Variants in PPP1R12B observed in about 807,000 individuals in gnomAD.
The protein encoded by PPP1R12B is myosin phosphatase target subunit 2.
In PPP1R12B, 76 loss-of-function variants were observed where a neutral mutation model predicts 126.1. The ratio of observed to expected loss-of-function variants is 0.60; its 90% CI spans 0.50 to 0.73. The LOEUF (loss-of-function observed/expected upper bound fraction) is 0.73. PPP1R12B is among the 30% of genes least tolerant of loss of function. The pLI is 0.00. For synonymous variants in PPP1R12B, 356 were observed against 434.7 expected (o/e 0.82, Z 2.25); for missense variants, 1,052 against 1,205.1 (o/e 0.87, Z 1.88).
rs376860504 is a variant in PPP1R12B at position 202,588,897 on chromosome 1, C to G, written c.*8337C>G. The G allele has an allele frequency of 1.3e-5, 2 of 150,282 alleles. No homozygotes were observed. Among genetic ancestry groups the G allele is most frequent in the South Asian group, 2.1e-4 (1 of 4,762 alleles). 9.3% of individuals were successfully genotyped at this position (150,282 alleles called of 1,614,324 possible). Reference sequence around the variant, plus strand: ...TATCAAGGTTCCAAGCTTCAAGTAACCAAGAGTATATACGGTTATTTCTTG... The same window carrying G: ...TATCAAGGTTCCAAGCTTCAAGTAAGCAAGAGTATATACGGTTATTTCTTG... On this transcript the variant is annotated 3_prime_UTR_variant, in exon 24 of 24. Coordinates refer to ENST00000608999, the MANE Select transcript of PPP1R12B (RefSeq NM_002481.4).
intron 18 of PPP1R12B, among the ~76,000 whole-genome samples, chr1:202,538,160 AT>A (rs1316012702): frequency 6.6e-6 from 1 of 152,074 alleles, no homozygotes; most frequent in East Asian, 1.9e-4. Context: ...TGCCTGGCTA[AT>A]TTTTTGTATT....
At chr1:202,562,739 C>T in intron 19 of PPP1R12B, 39 bp from the exon 20 acceptor site, 1 of 1,598,042 alleles carries the variant, frequency 6.3e-7, no homozygotes, top group Non-Finnish European at 8.6e-7. Flanking sequence ...CTACTTTGTT[C>T]TCAAAACCAA....
intron 1 of PPP1R12B, among the ~76,000 whole-genome samples, chr1:202,373,740 G>C (rs1173384360): frequency 6.6e-6 from 1 of 150,808 alleles, no homozygotes; most frequent in Non-Finnish European, 1.5e-5. Context: ...TAGCTTCTTT[G>C]ATTAAGGAAT....
intron 1 of PPP1R12B, among the ~76,000 whole-genome samples, chr1:202,354,091 AT>A (rs1009743026): frequency 6.6e-5 from 10 of 152,106 alleles, no homozygotes; most frequent in Non-Finnish European, 1.2e-4. Context: ...TAAGTAGTTT[AT>A]TTTTTTCTTT....
chr1:202,432,968 T>C (rs1018670630), intron 8 of PPP1R12B, among the ~76,000 whole-genome samples: 1 of 152,208 alleles, frequency 6.6e-6, no homozygotes, highest in Non-Finnish European at 1.5e-5. Flanking sequence ...CCCTTCTTCA[T>C]GTCTCAGTCT....
chr1:202,359,455 C>T (rs1040004109), intron 1 of PPP1R12B, among the ~76,000 whole-genome samples: 10 of 151,244 alleles, frequency 6.6e-5, no homozygotes, highest in African/African-American at 2.4e-4. Flanking sequence ...GTAAATATTT[C>T]GATATATATC....
chr1:202,455,209 G>A (rs79088471), intron 13 of PPP1R12B, among the ~76,000 whole-genome samples: 1 of 65,920 alleles, frequency 1.5e-5, no homozygotes, highest in African/African-American at 3.2e-5. Context: ...TATATATAGA[G>A]AGAGAGAGAG....
intron 12 of PPP1R12B, 44 bp downstream of exon 12, chr1:202,442,616 C>G: frequency 1.3e-6 from 2 of 1,558,714 alleles, no homozygotes; most frequent in South Asian, 1.2e-5. Flanking sequence ...TTCACTCTAG[C>G]CATGGGAAAT....
Position 202,349,045 on chromosome 1 carries a change from C to T in PPP1R12B, c.194C>T (p.Ala65Val). Residue 65 changes from alanine to valine, a missense_variant, in exon 1 of 24, where the codon GCC (alanine) becomes GTC (valine). Coordinates refer to ENST00000608999, the MANE Select transcript of PPP1R12B (RefSeq NM_002481.4). ...GAGGACGGTGCTGTCTTTCTGGCCG[C>T]CTGCTCTAGCGGGGACACCGACGAG... ...RFEDGAVFLA[A>V]CSSGDTDEVR... is the part of the protein sequence containing the mutation. 1 of 1,613,780 alleles carries T rather than the reference C, an allele frequency of 6.2e-7. No homozygotes were observed. Among genetic ancestry groups the T allele is most frequent in the Non-Finnish European group, 8.5e-7 (1 of 1,179,904 alleles).
rs1351567569 is a variant in PPP1R12B, at chr1:202,383,331, T to C, written c.292-33456T>C. Among the ~76,000 whole-genome samples, 6 of 152,254 alleles carry C rather than the reference T, an allele frequency of 3.9e-5. No homozygotes were observed. The East Asian group carries it at 1.2e-3, about 29-fold the overall frequency. On this transcript the variant is annotated intron_variant, in intron 1 of 23. Coordinates refer to ENST00000608999, the MANE Select transcript of PPP1R12B (RefSeq NM_002481.4). ...ATATATCTTCATATTTTTTACTTCA[T>C]AGGAATGTATCCCTAAATATTTTAT...
At chr1:202,515,110 A>G (rs1382768672) in intron 18 of PPP1R12B, among the ~76,000 whole-genome samples, 1 of 152,174 alleles carries the variant, frequency 6.6e-6, no homozygotes, top group Non-Finnish European at 1.5e-5. Flanking sequence ...TATGAACACA[A>G]AGAAGGAAAC....
intron 12 of PPP1R12B, among the ~76,000 whole-genome samples, chr1:202,446,966 A>G (rs1455024997): frequency 6.6e-6 from 1 of 152,182 alleles, no homozygotes; most frequent in African/African-American, 2.4e-5. Context: ...ACTCTAGGGA[A>G]GAAGGAAGAG....
intron 18 of PPP1R12B, among the ~76,000 whole-genome samples, chr1:202,510,149 G>A (rs1235534396): frequency 6.6e-6 from 1 of 152,292 alleles, no homozygotes; most frequent in Middle Eastern, 3.4e-3. Flanking sequence ...TAAAACTAAT[G>A]AAATATTATT....
At chr1:202,465,757 A>C (rs1674892920) in intron 13 of PPP1R12B, among the ~76,000 whole-genome samples, 1 of 152,174 alleles carries the variant, frequency 6.6e-6, no homozygotes, top group Admixed American at 6.5e-5. Context: ...TAGTATACTG[A>C]CCTAGCTTTT....
intron 13 of PPP1R12B, among the ~76,000 whole-genome samples, chr1:202,484,475 A>G (rs1486449905): frequency 1.3e-5 from 2 of 152,164 alleles, no homozygotes; most frequent in Non-Finnish European, 2.9e-5. Flanking sequence ...GGTTTTGACC[A>G]TTTTGACTTT....
intron 10 of PPP1R12B, chr1:202,438,997 C>A: frequency 6.8e-7 from 1 of 1,473,660 alleles, no homozygotes; most frequent in Non-Finnish European, 9.5e-7. Context: ...CCCTGGCCAA[C>A]CGGAAGCAGG....
At chr1:202,568,605 T>G (rs936575198) in intron 22 of PPP1R12B, among the ~76,000 whole-genome samples, 2 of 151,994 alleles carry the variant, frequency 1.3e-5, no homozygotes, top group Admixed American at 1.3e-4. Context: ...AAACCAAGAG[T>G]CAGTTGCTGG....
At chr1:202,476,632 G>A (rs559853093) in intron 13 of PPP1R12B, among the ~76,000 whole-genome samples, 214 of 151,026 alleles carry the variant, frequency 1.4e-3, no homozygotes, top group African/African-American at 5.0e-3. Context: ...ACAGTGAGCC[G>A]AGATCACGCC....
intron 13 of PPP1R12B, among the ~76,000 whole-genome samples, chr1:202,451,325 C>T (rs1672895701): frequency 6.7e-6 from 1 of 149,842 alleles, no homozygotes; most frequent in African/African-American, 2.5e-5. Flanking sequence ...CAGCCTTCCA[C>T]AGTGTTTGTG....
Sources: allele counts gnomAD v4.1 joint callset (sites outside exome capture counted in the v4.1 genomes callset), GRCh38; gene constraint gnomAD v4.1.1; transcripts MANE v1.5; gene names NCBI Gene and HGNC (gene_info 2026-07-23, HGNC 2026-07-21).